Variants in FLCN observed in about 807,000 individuals in gnomAD.
The protein encoded by FLCN is folliculin.
A neutral mutation model predicts 62.5 loss-of-function variants in FLCN; 22 were observed. The observed-to-expected ratio is 0.35, with a 90% CI of 0.25 to 0.50. The LOEUF (loss-of-function observed/expected upper bound fraction) is 0.50. Ranked by LOEUF, FLCN falls within the 20% of genes least tolerant of loss-of-function variation. The pLI, the probability that FLCN is intolerant of heterozygous loss-of-function variation, is 0.97. For synonymous variants in FLCN, 319 were observed against 310.0 expected (o/e 1.03, Z -0.30); for missense variants, 657 against 778.0 (o/e 0.84, Z 1.85).
At chr17:17,231,265 G>A (rs2047413927) in intron 3 of FLCN, among the ~76,000 whole-genome samples, 1 of 152,076 alleles carries the variant, frequency 6.6e-6, no homozygotes, top group Non-Finnish European at 1.5e-5. Context: ...CTGTCTCACC[G>A]GCCATGTCCT....
At chr17:17,237,255 G>T (rs1017894054), upstream of FLCN, 3 of 152,180 alleles carry the variant, frequency 2.0e-5, no homozygotes, top group African/African-American at 7.2e-5. Context: ...GTCCTGCACC[G>T]CGAGGAGAGC....
At position 17,228,035 on chromosome 17, in the gene FLCN, TCCCATC is replaced by T; in HGVS notation, c.97_102del (p.Asp33_Gly34del). On this transcript the variant is annotated inframe_deletion, in exon 4 of 14. Transcript: ENST00000285071. ...TCACCCTGGCCAGGACTGTCCTCAT[TCCCATC>T]CCCTTGAGGAAGTGGGGCGTGCAGC... 1 of 1,613,804 alleles carries T rather than the reference TCCCATC, an allele frequency of 6.2e-7. No homozygotes were observed. The highest frequency in any genetic ancestry group is 8.5e-7 in the Non-Finnish European group (1 of 1,180,016).
At chr17:17,226,629 CAGTG>C (rs2047257655) in intron 4 of FLCN, among the ~76,000 whole-genome samples, 2 of 152,166 alleles carry the variant, frequency 1.3e-5, no homozygotes, top group Admixed American at 6.6e-5. Context: ...GAGATAATGT[CAGTG>C]AGAAGCCCCA....
At chr17:17,217,995 AT>A (rs1304195191) in intron 9 of FLCN, among the ~76,000 whole-genome samples, 1 of 152,210 alleles carries the variant, frequency 6.6e-6, no homozygotes, top group Non-Finnish European at 1.5e-5. Context: ...CAAATGCAGG[AT>A]TTTGATGGAA....
chr17:17,234,938 C>T (rs949034969), intron 1 of FLCN, among the ~76,000 whole-genome samples: 2 of 152,024 alleles, frequency 1.3e-5, no homozygotes, highest in Non-Finnish European at 2.9e-5. Flanking sequence ...AGTGAAACCC[C>T]GTCTCTACTA....
Position 17,228,668 on chromosome 17 carries a change from G to A in FLCN, c.-24-507C>T, listed in dbSNP as rs867711075. 3.9e-5 allele frequency: 7 copies of A among 178,788 alleles called. No individual in the cohort carries two copies. In the East Asian group the frequency reaches 5.6e-4, roughly 14 times the overall value. The allele number at this position is 178,788 out of a possible 1,614,324, so 11.1% of individuals were successfully genotyped here. A position where few individuals can be genotyped will look rare whatever the true frequency, so the allele number is the denominator to read the frequency against. On this transcript the variant is annotated intron_variant, in intron 3 of 13. Transcript: ENST00000285071. ...GGGACACAGGAAAACTGCTTCCTGC[G>A]AGAGGCCCACGCAGGGAATGACCAG...
At chr17:17,230,335 A>G (rs2047382617) in intron 3 of FLCN, among the ~76,000 whole-genome samples, 2 of 152,208 alleles carry the variant, frequency 1.3e-5, no homozygotes, top group Admixed American at 1.3e-4. Flanking sequence ...GTTTGAGACC[A>G]GCCTGGCCGA....
In FLCN at chr17:17,224,116, A is replaced by T. The variant is rs2047181001; in HGVS notation, c.424T>A (p.Phe142Ile). The T allele has an allele frequency of 1.2e-6, 2 of 1,604,422 alleles. No individual in the cohort carries two copies. The highest frequency in any genetic ancestry group is 1.6e-4 in the Middle Eastern group (1 of 6,064). The change falls in exon 6 of 14, where the codon TTC becomes ATC. Residue 142 changes from phenylalanine (F) to isoleucine (I), a missense_variant. Physicochemically the swap from Phe to Ile is conservative, Grantham distance 21. Transcript: ENST00000285071. ...AAGCCGTGCTGCTCATCTCCGAAGA[A>T]GATGGGGCCTTCACGGCCAGGGCAG... is the stretch of plus-strand genomic sequence containing the variant. ...EVCPGREGPI[F>I]FGDEQHGFVF...
chr17:17,222,404 G>A (rs1034476485), intron 7 of FLCN, 97 bp downstream of exon 7: 13 of 1,555,108 alleles, frequency 8.4e-6, no homozygotes, highest in East Asian at 4.6e-5. Flanking sequence ...AAGCAAACAC[G>A]GCTAAGGACT....
At chr17:17,223,552 G>A (rs2047157549) in intron 6 of FLCN, among the ~76,000 whole-genome samples, 1 of 152,236 alleles carries the variant, frequency 6.6e-6, no homozygotes, top group South Asian at 2.1e-4. Context: ...GACCTGGCCT[G>A]GCCTGGCCTG....
At position 17,221,258 on chromosome 17, in the gene FLCN, T is replaced by A. The variant is rs2047075646; in HGVS notation, c.871+279A>T. 7.8e-6 allele frequency: 12 copies of A among 1,542,814 alleles called. No individual in the cohort carries two copies. The African/African-American group carries it at 1.5e-4, about 19-fold the overall frequency. Reference sequence around the variant, plus strand: ...TCACAAAATCGGGACGAGAAGCCTTTAATCAGCCAGTTCTCTCTACAGACA... The same window carrying A: ...TCACAAAATCGGGACGAGAAGCCTTAAATCAGCCAGTTCTCTCTACAGACA... On this transcript the variant is annotated intron_variant, in intron 8 of 13. Coordinates refer to ENST00000285071, the MANE Select transcript of FLCN (RefSeq NM_144997.7).
intron 1 of FLCN, among the ~76,000 whole-genome samples, chr17:17,234,083 C>A (rs190217043): frequency 6.6e-6 from 1 of 152,132 alleles, no homozygotes; most frequent in East Asian, 1.9e-4. Context: ...CTACATCACA[C>A]CAACTTACTT....
intron 7 of FLCN, 95 bp downstream of exon 7, chr17:17,222,406 C>A: frequency 1.9e-6 from 3 of 1,566,270 alleles, no homozygotes; most frequent in Non-Finnish European, 8.7e-7. Flanking sequence ...GCAAACACGG[C>A]TAAGGACTGT....
intron 6 of FLCN, chr17:17,222,986 T>G: frequency 2.4e-6 from 1 of 415,446 alleles, no homozygotes; most frequent in Non-Finnish European, 4.6e-6. Flanking sequence ...CCCTTCTGGG[T>G]GCACTACTTG....
At chr17:17,232,115 C>T (rs2047440483) in intron 2 of FLCN, among the ~76,000 whole-genome samples, 1 of 152,182 alleles carries the variant, frequency 6.6e-6, no homozygotes, top group Non-Finnish European at 1.5e-5. Flanking sequence ...GAGAACTCAG[C>T]AAAGATGCAG....
intron 3 of FLCN, chr17:17,228,589 C>A (rs538804082): frequency 0.039 from 7,797 of 202,360 alleles, 364 homozygotes; most frequent in South Asian, 0.16. Context: ...GGCCAAGGTG[C>A]TAGGCAACAT....
At chr17:17,229,884 C>T (rs765669319) in intron 3 of FLCN, among the ~76,000 whole-genome samples, 4 of 152,178 alleles carry the variant, frequency 2.6e-5, no homozygotes, top group Non-Finnish European at 4.4e-5. Flanking sequence ...AGTACAGCTG[C>T]GATGCCGGCG....
At chr17:17,232,493 G>A (rs1379019998) in intron 2 of FLCN, among the ~76,000 whole-genome samples, 1 of 152,186 alleles carries the variant, frequency 6.6e-6, no homozygotes, top group Admixed American at 6.5e-5. Context: ...GAAGGCCGGA[G>A]CCAGAGTCTA....
At chr17:17,235,920 G>C (rs905722769) in intron 1 of FLCN, 3 of 152,164 alleles carry the variant, frequency 2.0e-5, no homozygotes, top group Non-Finnish European at 4.4e-5. Context: ...TGATGTGGTA[G>C]AGTGTCTGTT....
Sources: gnomAD v4.1 joint callset for allele counts (sites outside exome capture counted in the v4.1 genomes callset) on GRCh38, gnomAD v4.1.1 for gene constraint, MANE v1.5 for transcripts, NCBI Gene and HGNC (gene_info 2026-07-23, HGNC 2026-07-21) for gene names.